EFCAB6: variants seen among roughly 807,000 people sequenced by gnomAD.
The protein encoded by EFCAB6 is EF-hand calcium binding domain 6.
A neutral mutation model predicts 169.8 loss-of-function variants in EFCAB6; 156 were observed. That is an observed-to-expected ratio of 0.92 (90% CI 0.81 to 1.05). The LOEUF is 1.05. Ranked by LOEUF, EFCAB6 falls within the 50% of genes least tolerant of loss-of-function variation. The probability of loss-of-function intolerance (pLI) is 0.00; values close to 1 mark genes in which losing one functional copy is unlikely to be tolerated. For synonymous variants in EFCAB6, 698 were observed against 676.4 expected (o/e 1.03, Z -0.50); for missense variants, 1,800 against 1,829.1 (o/e 0.98, Z 0.29).
rs752905794 is a variant in EFCAB6 at position 43,600,210 on chromosome 22, A to G, written c.2735T>C (p.Leu912Ser). Residue 912 changes from leucine to serine, a missense_variant, in exon 23 of 32, where the codon TTG (leucine) becomes TCG (serine). Leu to Ser is a moderately radical substitution (Grantham distance 145). Transcript: ENST00000262726. ...GACAGCAGGCGAATAGTTAATACCCAATTTCTGTAAAAATTCCTGGTAAGT... is the reference window on the plus strand; with the variant it reads ...GACAGCAGGCGAATAGTTAATACCCGATTTCTGTAAAAATTCCTGGTAAGT... ...HITYQEFLQK[L>S]GINYSPAVHR... The G allele has an allele frequency of 1.2e-6, 2 of 1,614,044 alleles. No individual in the cohort carries two copies. Among genetic ancestry groups the G allele is most frequent in the South Asian group, 2.2e-5 (2 of 91,052 alleles).
intron 8 of EFCAB6, among the ~76,000 whole-genome samples, chr22:43,718,891 A>G (rs1173770679): frequency 1.3e-5 from 2 of 152,186 alleles, no homozygotes; most frequent in African/African-American, 2.4e-5. Flanking sequence ...TTTGAGCTGC[A>G]AGGGCCCTCG....
intron 10 of EFCAB6, among the ~76,000 whole-genome samples, chr22:43,705,049 C>T (rs988141405): frequency 6.6e-6 from 1 of 151,772 alleles, no homozygotes; most frequent in Non-Finnish European, 1.5e-5. Context: ...ATATTCCATG[C>T]AAATGGAAAC....
chr22:43,589,823 C>T (rs192009035), intron 24 of EFCAB6, among the ~76,000 whole-genome samples: 87 of 152,158 alleles, frequency 5.7e-4, no homozygotes, highest in African/African-American at 2.1e-3. Flanking sequence ...AAAAAAAACC[C>T]CACTGATGTT....
chr22:43,580,000 C>T (rs867230934), intron 25 of EFCAB6, among the ~76,000 whole-genome samples: 8 of 152,320 alleles, frequency 5.3e-5, no homozygotes, highest in Middle Eastern at 3.4e-3. Flanking sequence ...TAAAGCACCA[C>T]GCAGATGGAA....
intron 2 of EFCAB6, among the ~76,000 whole-genome samples, chr22:43,790,866 C>G (rs2062260158): frequency 6.6e-6 from 1 of 152,184 alleles, no homozygotes; most frequent in East Asian, 1.9e-4. Flanking sequence ...ATTCCAGCCA[C>G]ATTCTGAAGG....
intron 24 of EFCAB6, among the ~76,000 whole-genome samples, chr22:43,586,839 A>G (rs1349289019): frequency 6.6e-6 from 1 of 152,164 alleles, no homozygotes; most frequent in Non-Finnish European, 1.5e-5. Flanking sequence ...GGGACCCAAC[A>G]ATCTTGAGTT....
chr22:43,551,654 G>C (rs1409761764), intron 27 of EFCAB6, among the ~76,000 whole-genome samples: 1 of 151,944 alleles, frequency 6.6e-6, no homozygotes, highest in Non-Finnish European at 1.5e-5. Flanking sequence ...CTTCCTGATG[G>C]TCTCCCTCCT....
chr22:43,678,817 CCTTTA>C (rs2057885475), intron 12 of EFCAB6, among the ~76,000 whole-genome samples: 1 of 152,098 alleles, frequency 6.6e-6, no homozygotes, highest in South Asian at 2.1e-4. Context: ...AAATAAAGAA[CCTTTA>C]CCTCATACGG....
chr22:43,593,201 T>C (rs1466087025), intron 23 of EFCAB6, among the ~76,000 whole-genome samples: 2 of 152,206 alleles, frequency 1.3e-5, no homozygotes, highest in Admixed American at 6.5e-5. Context: ...GAAACAGAAA[T>C]TGGTCATGCA....
At chr22:43,705,438 C>T (rs2058920330) in intron 10 of EFCAB6, among the ~76,000 whole-genome samples, 1 of 152,066 alleles carries the variant, frequency 6.6e-6, no homozygotes, top group African/African-American at 2.4e-5. Flanking sequence ...ATCTCAAGCG[C>T]AAATGGAACA....
At chr22:43,735,725 T>G in intron 7 of EFCAB6, 132 bp downstream of exon 7, 207 of 1,116,144 alleles carry the variant, frequency 1.9e-4, no homozygotes, top group Non-Finnish European at 2.4e-4. Flanking sequence ...AGTGCCTCTT[T>G]GAGAAATAAG....
At chr22:43,631,737 A>G (rs2054959344) in intron 19 of EFCAB6, among the ~76,000 whole-genome samples, 2 of 152,084 alleles carry the variant, frequency 1.3e-5, no homozygotes, top group African/African-American at 4.8e-5. Context: ...TCTAGCACAT[A>G]GTAAGTGTAT....
chr22:43,714,387 A>T (rs1348453999), intron 9 of EFCAB6, among the ~76,000 whole-genome samples: 1 of 152,198 alleles, frequency 6.6e-6, no homozygotes, highest in Non-Finnish European at 1.5e-5. Flanking sequence ...ACTATGACAC[A>T]GTATCCATTG....
chr22:43,664,561 G>A (rs1311415111), intron 17 of EFCAB6, among the ~76,000 whole-genome samples: 1 of 152,224 alleles, frequency 6.6e-6, no homozygotes, highest in African/African-American at 2.4e-5. Context: ...CAATGGGAAT[G>A]TCAAGGTCAC....
At chr22:43,555,196 G>A in intron 26 of EFCAB6, 100 bp from the exon 27 acceptor site, 2 of 1,276,726 alleles carry the variant, frequency 1.6e-6, no homozygotes, top group South Asian at 1.4e-5. Context: ...GACCCAGCGT[G>A]GTGGGGAGGA....
At chr22:43,566,514 C>T (rs775837188) in intron 26 of EFCAB6, among the ~76,000 whole-genome samples, 9 of 152,304 alleles carry the variant, frequency 5.9e-5, no homozygotes, top group Non-Finnish European at 8.8e-5. Flanking sequence ...CTTCTCTGGT[C>T]CTCACATCAC....
chr22:43,740,056 T>C (rs2060312469), intron 6 of EFCAB6, among the ~76,000 whole-genome samples: 5 of 150,814 alleles, frequency 3.3e-5, no homozygotes, highest in Admixed American at 2.0e-4. Flanking sequence ...CTGCTCCCCA[T>C]GACTGCTCAG....
chr22:43,651,548 C>T (rs549096412), intron 17 of EFCAB6, among the ~76,000 whole-genome samples: 1 of 152,364 alleles, frequency 6.6e-6, no homozygotes, highest in East Asian at 1.9e-4. Context: ...ACACAGAGTC[C>T]CTACTGGGGC....
chr22:43,626,800 C>T, intron 19 of EFCAB6, 121 bp from the exon 20 acceptor site: 1 of 864,510 alleles, frequency 1.2e-6, no homozygotes, highest in South Asian at 1.7e-5. Context: ...TGGGCCCCAA[C>T]TATTGCTTTT....
Sources: gnomAD v4.1 joint callset for allele counts (sites outside exome capture counted in the v4.1 genomes callset) on GRCh38, gnomAD v4.1.1 for gene constraint, MANE v1.5 for transcripts, NCBI Gene and HGNC (gene_info 2026-07-23, HGNC 2026-07-21) for gene names.